The following LRRC37A2 variants were observed in gnomAD, a reference collection of about 807,000 sequenced individuals.
LRRC37A2 encodes leucine-rich repeat-containing protein 37A2.
Under a neutral mutation model 68.8 loss-of-function variants are expected in LRRC37A2, and 9 were observed. That is an observed-to-expected ratio of 0.13 (90% confidence interval 0.08 to 0.23). LRRC37A2 has a LOEUF of 0.23. Among genes scored for constraint, LRRC37A2 ranks in the 10% least tolerant of loss-of-function variants. The probability of loss-of-function intolerance (pLI) is 1.00; values close to 1 mark genes in which losing one functional copy is unlikely to be tolerated. For synonymous variants in LRRC37A2, 63 were observed against 367.6 expected (o/e 0.17, Z 9.48); for missense variants, 168 against 950.4 (o/e 0.18, Z 10.82).
the LRRC37A2 span, among the ~76,000 whole-genome samples, chr17:46,496,607 G>GAA: frequency 9.0e-5 from 4 of 44,308 alleles, no homozygotes; most frequent in South Asian, 1.6e-3. Context: ...CATCTCAAAA[G>GAA]AAAAAAAAAA....
At chr17:46,793,272 TAAAAAAAAAAAAAAAA>T in the LRRC37A2 span, among the ~76,000 whole-genome samples, 1 of 41,950 alleles carries the variant, frequency 2.4e-5, no homozygotes, top group South Asian at 2.0e-3. Flanking sequence ...AGACCCTGTC[TAAAAAAAAAAAAAAAA>T]AAAAAAAAAA....
the LRRC37A2 span, among the ~76,000 whole-genome samples, chr17:46,779,224 C>T: frequency 3.3e-5 from 5 of 152,306 alleles, no homozygotes; most frequent in Admixed American, 1.3e-4. Context: ...CCAGACCTCC[C>T]GGCATCCGGA....
At chr17:46,940,853 AG>A in the LRRC37A2 span, 1 of 1,436,848 alleles carries the variant, frequency 7.0e-7, no homozygotes, top group Non-Finnish European at 9.1e-7. Context: ...CTGGACACCC[AG>A]GGGCATTGAG....
At chr17:46,725,728 G>C in the LRRC37A2 span, among the ~76,000 whole-genome samples, 1 of 152,086 alleles carries the variant, frequency 6.6e-6, no homozygotes, top group Non-Finnish European at 1.5e-5. Flanking sequence ...TACTATCTTG[G>C]TGTGCTGAGG....
chr17:46,765,268 A>G, the LRRC37A2 span, among the ~76,000 whole-genome samples: 5 of 152,354 alleles, frequency 3.3e-5, no homozygotes, highest in African/African-American at 1.2e-4. Flanking sequence ...TCTCTCAGCA[A>G]GGCAGTAACA....
chr17:46,725,011 T>C, the LRRC37A2 span, among the ~76,000 whole-genome samples: 2 of 152,176 alleles, frequency 1.3e-5, no homozygotes, highest in African/African-American at 4.8e-5. Context: ...TTAATTACTC[T>C]CTAATAAGGC....
At chr17:46,769,657 G>T in the LRRC37A2 span, 1 of 1,335,748 alleles carries the variant, frequency 7.5e-7, no homozygotes, top group Non-Finnish European at 1.0e-6. Flanking sequence ...GCCAAGCCTG[G>T]CCAAGGGGAA....
chr17:47,027,535 A>ATTTTCC, the LRRC37A2 span: 12 of 1,147,502 alleles, frequency 1.0e-5, no homozygotes, highest in Non-Finnish European at 1.6e-5. Context: ...TCAAGGCAAT[A>ATTTTCC]TTTTCCTTTT....
At chr17:46,936,030 G>C in the LRRC37A2 span, 1 of 985,772 alleles carries the variant, frequency 1.0e-6, no homozygotes, top group Non-Finnish European at 1.2e-6. Context: ...ACTTCAGTAC[G>C]TTTCTGAACA....
the LRRC37A2 span, chr17:46,875,024 G>T: frequency 6.2e-7 from 1 of 1,609,596 alleles, no homozygotes; most frequent in African/African-American, 1.3e-5. Context: ...TCAGAGGGCG[G>T]CAGGCAACCT....
chr17:46,788,934 C>T, the LRRC37A2 span, among the ~76,000 whole-genome samples: 1 of 152,208 alleles, frequency 6.6e-6, no homozygotes, highest in Non-Finnish European at 1.5e-5. Context: ...GTTTGGGAGT[C>T]CTTTGTTTGA....
chr17:46,822,546 G>A, the LRRC37A2 span, among the ~76,000 whole-genome samples: 1 of 152,230 alleles, frequency 6.6e-6, no homozygotes, highest in African/African-American at 2.4e-5. Context: ...AGGTCAGCAG[G>A]CGAGGAAGGG....
chr17:46,858,523 C>A, the LRRC37A2 span, among the ~76,000 whole-genome samples: 1 of 151,472 alleles, frequency 6.6e-6, no homozygotes, highest in Non-Finnish European at 1.5e-5. Flanking sequence ...ATCTTTCGGT[C>A]CTCCAGGCTA....
intron 8 of LRRC37A2, among the ~76,000 whole-genome samples, chr17:46,541,455 T>A (rs1295829420): frequency 6.7e-6 from 1 of 149,272 alleles, no homozygotes; most frequent in Non-Finnish European, 1.5e-5. Flanking sequence ...TTTCGCCATG[T>A]TGGCCAGGGT....
At chr17:46,732,798 A>G in the LRRC37A2 span, among the ~76,000 whole-genome samples, 1 of 152,166 alleles carries the variant, frequency 6.6e-6, no homozygotes, top group Non-Finnish European at 1.5e-5. Flanking sequence ...GAAGAGATCG[A>G]GAGGGGATAG....
At chr17:46,747,303 CAG>C in the LRRC37A2 span, among the ~76,000 whole-genome samples, 5 of 152,160 alleles carry the variant, frequency 3.3e-5, no homozygotes, top group Non-Finnish European at 5.9e-5. Context: ...TTTTTTGAGA[CAG>C]AGTCTCACTT....
chr17:46,995,935 C>T, the LRRC37A2 span, among the ~76,000 whole-genome samples: 2 of 152,186 alleles, frequency 1.3e-5, no homozygotes. Context: ...CTCGGCCCAC[C>T]TCAGTGGCTG....
At chr17:46,735,599 T>G in the LRRC37A2 span, among the ~76,000 whole-genome samples, 2 of 152,198 alleles carry the variant, frequency 1.3e-5, no homozygotes, top group Non-Finnish European at 2.9e-5. Context: ...TTACCTACTC[T>G]GTTGAGGGTC....
At chr17:46,718,413 C>T in the LRRC37A2 span, among the ~76,000 whole-genome samples, 3 of 152,066 alleles carry the variant, frequency 2.0e-5, no homozygotes, top group Non-Finnish European at 4.4e-5. Flanking sequence ...AGAAATGATA[C>T]ATGCTTAATG....
Sources: gnomAD v4.1 joint callset for allele counts (sites outside exome capture counted in the v4.1 genomes callset) on GRCh38, gnomAD v4.1.1 for gene constraint, MANE v1.5 for transcripts, NCBI Gene and HGNC (gene_info 2026-07-23, HGNC 2026-07-21) for gene names.